NLRC4: variants seen among roughly 807,000 people sequenced by gnomAD.
The protein encoded by NLRC4 is NLR family CARD domain-containing protein 4.
A neutral mutation model predicts 79.9 loss-of-function variants in NLRC4; 63 were observed. That is an observed-to-expected ratio of 0.79 (90% CI 0.64 to 0.97). The LOEUF is 0.97. Ranked by LOEUF, NLRC4 falls within the 50% of genes least tolerant of loss-of-function variation. NLRC4 has a pLI of 0.00. For missense variants in NLRC4, 1,074 were observed against 1,215.2 expected (o/e 0.88, Z 1.73); for synonymous variants, 461 against 456.5 (o/e 1.01, Z -0.12).
rs770970368 is a variant in NLRC4 at position 32,255,538 on chromosome 2, ATAAG to A, written c.1+1233_1+1236del. 3.2e-5 allele frequency among the ~76,000 whole-genome samples: 4 copies of A among 125,852 alleles called. No homozygotes were observed. In the Admixed American group the frequency reaches 3.3e-4, roughly 10 times the overall value. The allele number at this position is 125,852 out of a possible 152,430, so 82.6% of individuals were successfully genotyped here. ...TCCGTCTCAAAAAAAAAAAAAAAAA[ATAAG>A]AAATACAGCCTCAGAAAGGCTTAGA... On this transcript the variant is annotated intron_variant, in intron 2 of 8. Coordinates refer to ENST00000402280, the MANE Select transcript of NLRC4 (RefSeq NM_001199138.2).
At chr2:32,225,026 A>G (rs1018300945) in intron 8 of NLRC4, among the ~76,000 whole-genome samples, 6 of 152,138 alleles carry the variant, frequency 3.9e-5, no homozygotes, top group Admixed American at 3.3e-4. Flanking sequence ...CAATATGTAA[A>G]TGAATTACTT....
chr2:32,263,049 G>A (rs1223943123), intron 1 of NLRC4, among the ~76,000 whole-genome samples: 1 of 151,994 alleles, frequency 6.6e-6, no homozygotes, highest in Non-Finnish European at 1.5e-5. Flanking sequence ...TCTAAAATTG[G>A]CATTTTCTTA....
At chr2:32,233,349 A>ATATATATATAT (rs1418146489) in intron 8 of NLRC4, among the ~76,000 whole-genome samples, 20 of 41,104 alleles carry the variant, frequency 4.9e-4, no homozygotes, top group Admixed American at 7.8e-4. Flanking sequence ...ATATATATAT[A>ATATATATATAT]TTTTTTTTTT....
At chr2:32,238,585 A>G (rs1010957952) in intron 5 of NLRC4, among the ~76,000 whole-genome samples, 1 of 152,172 alleles carries the variant, frequency 6.6e-6, no homozygotes, top group African/African-American at 2.4e-5. Context: ...GCATCAATGT[A>G]TACTCTTACC....
intron 4 of NLRC4, among the ~76,000 whole-genome samples, chr2:32,242,011 G>C (rs1008187900): frequency 3.3e-5 from 5 of 151,790 alleles, no homozygotes; most frequent in African/African-American, 1.2e-4. Flanking sequence ...TAAAGATAAG[G>C]GTGCAAATCA....
intron 1 of NLRC4, among the ~76,000 whole-genome samples, chr2:32,258,469 G>T (rs1417135091): frequency 6.6e-6 from 1 of 152,190 alleles, no homozygotes; most frequent in Admixed American, 6.5e-5. Context: ...GCACAGGCCT[G>T]GGGGTGGAGC....
chr2:32,233,368 T>A (rs1436990355), intron 8 of NLRC4, among the ~76,000 whole-genome samples: 5 of 125,968 alleles, frequency 4.0e-5, no homozygotes, highest in East Asian at 2.2e-4. Flanking sequence ...TTTTTTTTTT[T>A]AATTGTAGAG....
chr2:32,251,989 C>T (rs771457744), intron 3 of NLRC4, among the ~76,000 whole-genome samples: 6 of 152,100 alleles, frequency 3.9e-5, no homozygotes, highest in Non-Finnish European at 5.9e-5. Flanking sequence ...AAAATAAAAA[C>T]AATATTTTAT....
chr2:32,258,462 C>T (rs549842800), intron 1 of NLRC4, among the ~76,000 whole-genome samples: 180 of 152,324 alleles, frequency 1.2e-3, no homozygotes, highest in African/African-American at 4.0e-3. Flanking sequence ...TCCGTGGGCA[C>T]AGGCCTGGGG....
intron 4 of NLRC4, among the ~76,000 whole-genome samples, chr2:32,245,449 G>T (rs1436625272): frequency 6.6e-6 from 1 of 152,002 alleles, no homozygotes; most frequent in Non-Finnish European, 1.5e-5. Flanking sequence ...CTCACGGAGA[G>T]TAGAAGGATG....
chr2:32,234,958 G>A (rs1463637196), intron 8 of NLRC4, among the ~76,000 whole-genome samples: 1 of 152,226 alleles, frequency 6.6e-6, no homozygotes, highest in African/African-American at 2.4e-5. Context: ...GGTGTCTTCA[G>A]TCATTTATAT....
intron 8 of NLRC4, among the ~76,000 whole-genome samples, chr2:32,233,349 A>ATATATAT (rs1418146489): frequency 2.4e-4 from 10 of 41,104 alleles, no homozygotes; most frequent in Non-Finnish European, 3.5e-4. Context: ...ATATATATAT[A>ATATATAT]TTTTTTTTTT....
intron 4 of NLRC4, among the ~76,000 whole-genome samples, chr2:32,246,505 GA>G (rs1285056502): frequency 2.0e-5 from 3 of 152,336 alleles, no homozygotes; most frequent in Non-Finnish European, 4.4e-5. Flanking sequence ...AGCTGGGTGG[GA>G]AATTGCTAGC....
intron 8 of NLRC4, among the ~76,000 whole-genome samples, chr2:32,225,449 A>C (rs1000416455): frequency 1.3e-5 from 2 of 151,664 alleles, no homozygotes; most frequent in Non-Finnish European, 2.9e-5. Flanking sequence ...GTGTGTGTAT[A>C]CATACACAAA....
At chr2:32,237,254 G>A (rs1001198509) in intron 6 of NLRC4, among the ~76,000 whole-genome samples, 9 of 151,912 alleles carry the variant, frequency 5.9e-5, no homozygotes, top group Non-Finnish European at 1.2e-4. Context: ...TATAATATTG[G>A]CTATTATTAT....
At chr2:32,249,201 A>T (rs1407913933) in intron 4 of NLRC4, among the ~76,000 whole-genome samples, 1 of 152,234 alleles carries the variant, frequency 6.6e-6, no homozygotes, top group Non-Finnish European at 1.5e-5. Context: ...GCTGGGCCAC[A>T]TTCAAAGCCG....
rs1482137752 is a variant in NLRC4, at chr2:32,235,544, T to C, written c.2639A>G (p.Gln880Arg). 2 of 1,614,062 alleles carry C rather than the reference T, an allele frequency of 1.2e-6. No individual in the cohort carries two copies. The highest frequency in any genetic ancestry group is 1.3e-5 in the African/African-American group (1 of 74,930). Residue 880 changes from glutamine (Q) to arginine (R), a missense_variant, in exon 8 of 9, where the codon CAG (glutamine) becomes CGG (arginine). Coordinates refer to ENST00000402280, the MANE Select transcript of NLRC4 (RefSeq NM_001199138.2). ...ELIDRMNVLEQLTALMLPWGC... is the reference protein window; with the variant it reads ...ELIDRMNVLERLTALMLPWGC... ...CCAGGGCAGCATCAGTGCGGTGAGC[T>C]GTTCTAGCACGTTCATCCTGTCGAC...
At position 32,250,240 on chromosome 2, in the gene NLRC4, CAGT is replaced by C. The variant is rs752599616; in HGVS notation, c.1621_1623del (p.Thr541del). 8 of 1,614,176 alleles carry C rather than the reference CAGT, an allele frequency of 5.0e-6. No homozygotes were observed. The South Asian group carries it at 8.8e-5, about 18-fold the overall frequency. ...TTTATGGCTTTCAGAATTTCTTGCT[CAGT>C]GGTGTTTTTCACACTTTGCAAAGAT... On this transcript the variant is annotated inframe_deletion, in exon 4 of 9. Transcript: ENST00000402280. This position sits in a 1 kb window ranked among gnomAD's most constrained non-coding sequence, Gnocchi z 4.9.
chr2:32,234,379 C>G (rs1380750520), intron 8 of NLRC4, among the ~76,000 whole-genome samples: 1 of 150,178 alleles, frequency 6.7e-6, no homozygotes, highest in Admixed American at 6.6e-5. Flanking sequence ...AAGACTCTGT[C>G]TAAAAAAAAA....
Sources: allele counts gnomAD v4.1 joint callset (sites outside exome capture counted in the v4.1 genomes callset), GRCh38; gene constraint gnomAD v4.1.1; non-coding constraint Gnocchi (gnomAD v3.1); transcripts MANE v1.5; gene names NCBI Gene and HGNC (gene_info 2026-07-23, HGNC 2026-07-21).